CDYL: variants seen among roughly 807,000 people sequenced by gnomAD.
CDYL encodes chromodomain Y like, also known as chromodomain Y-like protein.
Under a neutral mutation model 47.3 loss-of-function variants are expected in CDYL, and 8 were observed. The observed-to-expected ratio is 0.17, with a 90% CI of 0.10 to 0.31. The LOEUF (loss-of-function observed/expected upper bound fraction) is 0.31. CDYL is among the 10% of genes least tolerant of loss of function. The pLI, the probability that CDYL is intolerant of heterozygous loss-of-function variation, is 1.00. For synonymous variants in CDYL, 266 were observed against 265.0 expected, an observed-to-expected ratio of 1.00 and a Z score of -0.04; for missense variants, 471 against 701.4, an observed-to-expected ratio of 0.67 and a Z score of 3.71.
At chr6:4,873,451 C>G (rs138003353) in intron 1 of CDYL, among the ~76,000 whole-genome samples, 2 of 152,030 alleles carry the variant, frequency 1.3e-5, no homozygotes, top group Non-Finnish European at 2.9e-5. Context: ...CTTCTACTTC[C>G]TTATGTATAT....
chr6:4,902,404 C>CAAA (rs35164020), intron 2 of CDYL, among the ~76,000 whole-genome samples: 8 of 95,914 alleles, frequency 8.3e-5, no homozygotes, highest in South Asian at 3.5e-4. Flanking sequence ...AGCTCCATCT[C>CAAA]AAAAAAAAAA....
intron 1 of CDYL, among the ~76,000 whole-genome samples, chr6:4,812,659 A>G (rs1408269725): frequency 6.6e-6 from 1 of 152,158 alleles, no homozygotes; most frequent in African/African-American, 2.4e-5. Context: ...AAGAAATTCC[A>G]CAGTCTTCTA....
intron 1 of CDYL, among the ~76,000 whole-genome samples, chr6:4,792,689 G>T (rs1485126123): frequency 6.6e-6 from 1 of 152,062 alleles, no homozygotes; most frequent in Non-Finnish European, 1.5e-5. Context: ...GCCCACCTTG[G>T]CCTCCCAAAG....
intron 3 of CDYL, among the ~76,000 whole-genome samples, chr6:4,746,252 T>C (rs1454041440): frequency 1.3e-5 from 2 of 151,088 alleles, no homozygotes; most frequent in African/African-American, 4.9e-5. Flanking sequence ...TAATCCCAGC[T>C]ACTCAGGTGG....
intron 1 of CDYL, among the ~76,000 whole-genome samples, chr6:4,710,308 G>A (rs1228602006): frequency 2.1e-5 from 3 of 142,210 alleles, no homozygotes; most frequent in Admixed American, 7.3e-5. Context: ...AGGAAGGATC[G>A]AAAGAAGAAT....
At chr6:4,825,532 T>G (rs977276117) in intron 1 of CDYL, among the ~76,000 whole-genome samples, 5 of 152,216 alleles carry the variant, frequency 3.3e-5, no homozygotes, top group African/African-American at 7.2e-5. Context: ...CCCAGTGTGT[T>G]GAATGTTTTA....
Position 4,937,656 on chromosome 6 carries a change from G to A in CDYL, c.1040G>A (p.Cys347Tyr), listed in dbSNP as rs765086192. The A allele has an allele frequency of 1.2e-6, 2 of 1,614,112 alleles. No homozygotes were observed. Among genetic ancestry groups the A allele is most frequent in the South Asian group, 2.2e-5 (2 of 91,072 alleles). Residue 347 changes from cysteine (C) to tyrosine (Y), a missense_variant, in exon 4 of 7, where the codon TGT (cysteine) becomes TAT (tyrosine). Cys to Tyr is a radical substitution (Grantham distance 194). This residue lies in a region of CDYL where 103 missense variants were observed against 277.1 expected (regional missense o/e 0.37). Coordinates refer to ENST00000397588, the MANE Select transcript of CDYL (RefSeq NM_004824.4). ...LLSAVGSVFC[C>Y]GLDFIYFIRR... is the part of the protein sequence containing the mutation. ...AGCGCCGTTGGCAGCGTCTTCTGTT[G>A]TGGACTTGACTTTATTTATTTTATA...
chr6:4,918,648 C>T (rs1373291221), intron 2 of CDYL, among the ~76,000 whole-genome samples: 1 of 152,114 alleles, frequency 6.6e-6, no homozygotes, highest in African/African-American at 2.4e-5. Context: ...AAAGATTGAC[C>T]GCGCTTGAAT....
chr6:4,775,902 G>T (rs1758426120), upstream of CDYL, among the ~76,000 whole-genome samples: 1 of 150,270 alleles, frequency 6.7e-6, no homozygotes, highest in Non-Finnish European at 1.5e-5. The surrounding 1 kb of genome is among the most constrained non-coding windows in gnomAD (Gnocchi z 7.0). Flanking sequence ...CGCGGTAGAC[G>T]GCGCGGCCGC....
intron 1 of CDYL, among the ~76,000 whole-genome samples, chr6:4,879,651 C>T (rs1266162206): frequency 6.7e-6 from 1 of 149,868 alleles, no homozygotes; most frequent in African/African-American, 2.5e-5. Context: ...CTCTGCCTCC[C>T]GGGTTCAAGC....
chr6:4,821,257 A>ATTTTTTTTT (rs1561653727), intron 1 of CDYL, among the ~76,000 whole-genome samples: 2 of 125,482 alleles, frequency 1.6e-5, no homozygotes, highest in East Asian at 2.8e-4. Flanking sequence ...TCATATGGGA[A>ATTTTTTTTT]TTCTTTTTTT....
intron 1 of CDYL, among the ~76,000 whole-genome samples, chr6:4,791,371 A>C (rs1029811712): frequency 6.6e-6 from 1 of 152,112 alleles, no homozygotes; most frequent in African/African-American, 2.4e-5. Context: ...TGTATCATCA[A>C]CCTCACTCTC....
chr6:4,868,120 A>T (rs1374861581), intron 1 of CDYL, among the ~76,000 whole-genome samples: 1 of 151,456 alleles, frequency 6.6e-6, no homozygotes, highest in East Asian at 1.9e-4. Flanking sequence ...TTATACTTGG[A>T]TCTTTATTGT....
At chr6:4,791,950 T>G (rs1449908417) in intron 1 of CDYL, among the ~76,000 whole-genome samples, 1 of 150,860 alleles carries the variant, frequency 6.6e-6, no homozygotes, top group Admixed American at 6.6e-5. Context: ...TGGCGCGATC[T>G]CAGCTCACTG....
intron 3 of CDYL, among the ~76,000 whole-genome samples, chr6:4,740,233 C>T (rs1252678450): frequency 2.0e-5 from 3 of 152,162 alleles, no homozygotes; most frequent in Non-Finnish European, 4.4e-5. Context: ...CCTCATCCCA[C>T]GTGTGCTAAC....
chr6:4,759,758 A>C (rs1395271471), intron 3 of CDYL, among the ~76,000 whole-genome samples: 1 of 151,128 alleles, frequency 6.6e-6, no homozygotes, highest in Non-Finnish European at 1.5e-5. Context: ...GTGTGCCTGT[A>C]ATCCCAGCTA....
intron 1 of CDYL, among the ~76,000 whole-genome samples, chr6:4,872,361 A>C (rs1306699659): frequency 6.6e-6 from 1 of 150,396 alleles, no homozygotes; most frequent in Non-Finnish European, 1.5e-5. Context: ...ATTAGGTTTA[A>C]AAGCGAACAC....
At chr6:4,862,346 C>T (rs1482249323) in intron 1 of CDYL, among the ~76,000 whole-genome samples, 2 of 152,140 alleles carry the variant, frequency 1.3e-5, no homozygotes, top group Non-Finnish European at 2.9e-5. Flanking sequence ...TAATTCTGAC[C>T]ATGGCTTAAG....
chr6:4,792,309 A>G (rs1758947010), intron 1 of CDYL, among the ~76,000 whole-genome samples: 1 of 151,878 alleles, frequency 6.6e-6, no homozygotes, highest in Admixed American at 6.6e-5. Context: ...CTTTGCTACT[A>G]TATACGTTGG....
Sources: allele counts gnomAD v4.1 joint callset (sites outside exome capture counted in the v4.1 genomes callset), GRCh38; gene constraint gnomAD v4.1.1; regional missense constraint gnomAD v4.1.1; non-coding constraint Gnocchi (gnomAD v3.1); transcripts MANE v1.5; gene names NCBI Gene and HGNC (gene_info 2026-07-23, HGNC 2026-07-21).